ZBTB21: variants seen among roughly 807,000 people sequenced by gnomAD.
ZBTB21 encodes the protein zinc finger and BTB domain-containing protein 21.
Under a neutral mutation model 39.8 loss-of-function variants are expected in ZBTB21, and 10 were observed. That is an observed-to-expected ratio of 0.25 (90% confidence interval 0.16 to 0.43). The LOEUF is 0.43. Among genes scored for constraint, ZBTB21 ranks in the 20% least tolerant of loss-of-function variants. ZBTB21 has a pLI of 1.00. For missense variants in ZBTB21, 1,221 were observed against 1,296.3 expected (o/e 0.94, Z 0.89); for synonymous variants, 551 against 498.8 (o/e 1.10, Z -1.40).
chr21:41,995,818 C>T (rs912481206), intron 2 of ZBTB21, among the ~76,000 whole-genome samples: 4 of 152,226 alleles, frequency 2.6e-5, no homozygotes, highest in African/African-American at 9.6e-5. Context: ...AGCCTAGGAA[C>T]TTGGTGCCCT....
At position 41,993,258 on chromosome 21, in the gene ZBTB21, A is replaced by G. The variant is rs1482335304; in HGVS notation, c.838T>C (p.Leu280=). The change falls in exon 3 of 3, where the codon TTG becomes CTG. Residue 280 remains leucine, a synonymous_variant. Coordinates refer to ENST00000310826, the MANE Select transcript of ZBTB21 (RefSeq NM_001098402.2). ...GTCTCTGATGAGCTACAAACAGACA[A>G]AACAGGTGGCCGTGGTCTCTTCAAA... The part of the protein sequence containing the change: ...LALKRPRPPV[L]SVCSSSETPY... 5 of 1,611,982 alleles carry G rather than the reference A, an allele frequency of 3.1e-6. No individual in the cohort carries two copies. In the South Asian group the frequency reaches 4.4e-5, roughly 14 times the overall value.
Position 41,991,234 on chromosome 21 carries a change from A to C in ZBTB21, c.2862T>G (p.Ser954Arg). Residue 954 changes from serine to arginine, a missense_variant, in exon 3 of 3, where the codon AGT becomes AGG. Coordinates refer to ENST00000310826, the MANE Select transcript of ZBTB21 (RefSeq NM_001098402.2). The surrounding 1 kb of genome is among the most constrained non-coding windows in gnomAD (Gnocchi z 4.9). ...CCTGAGACATGTGCGATTGGAAGTG[A>C]CTCCAGAGTCGAAAATTAGTGCGAA... Reference protein sequence around the residue: ...KAFRTNFRLWSHFQSHMSQAS... With the variant: ...KAFRTNFRLWRHFQSHMSQAS... 6.2e-7 allele frequency: 1 copy of C among 1,614,000 alleles called. No homozygotes were observed. The highest frequency in any genetic ancestry group is 8.5e-7 in the Non-Finnish European group (1 of 1,179,984).
rs969909780 is a variant in ZBTB21, at chr21:41,993,772, A to G, written c.324T>C (p.Ser108=). Residue 108 remains serine (S), a synonymous_variant, in exon 3 of 3, where the codon AGT becomes AGC. Transcript: ENST00000310826. ...TGTTAGTCAGAAAGGAAATCCCAAG[A>G]CTATAGCCAAGTTCTTGCACAGCAG... ...SLAAVQELGY[S]LGISFLTNIV... is the part of the protein sequence containing the mutation. The G allele has an allele frequency of 6.2e-7, 1 of 1,614,122 alleles. No individual in the cohort carries two copies. The highest frequency in any genetic ancestry group is 1.3e-5 in the African/African-American group (1 of 74,946).
chr21:42,010,039 A>G (rs1286631926), intron 1 of ZBTB21, among the ~76,000 whole-genome samples: 3 of 152,236 alleles, frequency 2.0e-5, no homozygotes, highest in Non-Finnish European at 2.9e-5. Flanking sequence ...TGAAGGTACA[A>G]TCGGCTACGT....
In ZBTB21 at chr21:41,990,563, CAATA is replaced by C. The variant is rs567736215; in HGVS notation, c.*328_*331del. The C allele has an allele frequency of 2.6e-4, 44 of 170,692 alleles. 2 individuals are homozygous for C. In the South Asian group the frequency reaches 8.8e-3, roughly 34 times the overall value. 10.6% of individuals were successfully genotyped at this position (170,692 alleles called of 1,614,324 possible). On this transcript the variant is annotated 3_prime_UTR_variant, in exon 3 of 3. Coordinates refer to ENST00000310826, the MANE Select transcript of ZBTB21 (RefSeq NM_001098402.2). The stretch of plus-strand genomic sequence containing the variant: ...AATACTTCGACAGTATTCCACTAAT[CAATA>C]AAAAACCAAAAACCTCAATTAAATG...
chr21:41,991,228 G>T lies in ZBTB21; in HGVS notation c.2868C>A (p.Phe956Leu). The part of the protein sequence containing the change: ...FRTNFRLWSH[F>L]QSHMSQASEE... ...CTGAAGCCTGAGACATGTGCGATTG[G>T]AAGTGACTCCAGAGTCGAAAATTAG... Residue 956 changes from phenylalanine (F) to leucine (L), a missense_variant, in exon 3 of 3, where the codon TTC becomes TTA. Phe to Leu is a conservative substitution (Grantham distance 22, BLOSUM62 0). This residue lies in a region of ZBTB21 where 523 missense variants were observed against 542.5 expected (regional missense o/e 0.96). Transcript: ENST00000310826. The surrounding 1 kb of genome is among the most constrained non-coding windows in gnomAD (Gnocchi z 4.9). 6.2e-7 allele frequency: 1 copy of T among 1,614,202 alleles called. No individual in the cohort carries two copies. Among genetic ancestry groups the T allele is most frequent in the East Asian group, 2.2e-5 (1 of 44,892 alleles).
At position 41,993,824 on chromosome 21, in the gene ZBTB21, G is replaced by C; in HGVS notation, c.272C>G (p.Ser91Cys). The C allele has an allele frequency of 6.2e-7, 1 of 1,614,212 alleles. No homozygotes were observed. The highest frequency in any genetic ancestry group is 2.2e-5 in the East Asian group (1 of 44,890). Residue 91 changes from serine (S) to cysteine (C), a missense_variant, in exon 3 of 3, where the codon TCT becomes TGT. Physicochemically the swap from Ser to Cys is moderately radical, Grantham distance 112. Around this residue, in one of 4 missense-constraint regions of ZBTB21, gnomAD observed 108 missense variants for 155.0 expected, o/e 0.70. Transcript: ENST00000310826. Reference sequence around the variant, plus strand: ...AAGGCTGCTCTTCTCAACAAATAGAGAGGAAGAATAAATGTAGTTTAAAAC... The same window carrying C: ...AAGGCTGCTCTTCTCAACAAATAGACAGGAAGAATAAATGTAGTTTAAAAC... ...DNVLNYIYSS[S>C]LFVEKSSLAA...
chr21:42,004,716 T>C (rs757531487), intron 1 of ZBTB21, among the ~76,000 whole-genome samples: 1 of 152,142 alleles, frequency 6.6e-6, no homozygotes, highest in African/African-American at 2.4e-5. Flanking sequence ...ATTGCTTCTA[T>C]AGTCCTAACC....
rs2065589918 is a variant in ZBTB21, at chr21:41,987,240, AGACT to A, written c.*3651_*3654del. The A allele has an allele frequency of 6.6e-6, 1 of 152,212 alleles. No homozygotes were observed. The highest frequency in any genetic ancestry group is 2.4e-5 in the African/African-American group (1 of 41,458). The allele number at this position is 152,212 out of a possible 1,614,324, so 9.4% of individuals were successfully genotyped here. ...ACAGTAAAATACTTTGGTTCCCAAA[AGACT>A]GTCTCTAAAAGGAATTTTTAAAAAC... On this transcript the variant is annotated 3_prime_UTR_variant, in exon 3 of 3. Coordinates refer to ENST00000310826, the MANE Select transcript of ZBTB21 (RefSeq NM_001098402.2).
In ZBTB21 at chr21:41,990,670, C is replaced by A; in HGVS notation, c.*225G>T. On this transcript the variant is annotated 3_prime_UTR_variant, in exon 3 of 3. Transcript: ENST00000310826. ...AATTTCAACATTAATGAAATCAAAC[C>A]ATCTTGTTCTTGTAAGGTCCAGAAC... 2.8e-6 allele frequency: 1 copy of A among 359,706 alleles called. No homozygotes were observed. Among genetic ancestry groups the A allele is most frequent in the Admixed American group, 4.4e-5 (1 of 22,664 alleles). 22.3% of individuals were successfully genotyped at this position (359,706 alleles called of 1,614,324 possible).
intron 1 of ZBTB21, among the ~76,000 whole-genome samples, chr21:42,008,837 TTTC>T (rs2065917340): frequency 6.6e-6 from 1 of 152,224 alleles, no homozygotes; most frequent in South Asian, 2.1e-4. Flanking sequence ...AAATTTTGAC[TTTC>T]TTTTTAACAT....
At position 42,002,898 on chromosome 21, in the gene ZBTB21, A is replaced by G. The variant is rs192998558; in HGVS notation, c.-15T>C. Reference sequence around the variant, plus strand: ...CTAAAATAGGGCCGGCTTGCTTACCACTTTGATCCTCGCACACAAATAGCT... The same window carrying G: ...CTAAAATAGGGCCGGCTTGCTTACCGCTTTGATCCTCGCACACAAATAGCT... On this transcript the variant is annotated splice_region_variant and 5_prime_UTR_variant, in exon 2 of 3. Coordinates refer to ENST00000310826, the MANE Select transcript of ZBTB21 (RefSeq NM_001098402.2). 4 of 152,342 alleles carry G rather than the reference A, an allele frequency of 2.6e-5. No individual in the cohort carries two copies. The highest frequency in any genetic ancestry group is 2.6e-4 in the Admixed American group (4 of 15,312). The allele number at this position is 152,342 out of a possible 1,614,324, so 9.4% of individuals were successfully genotyped here.
intron 1 of ZBTB21, among the ~76,000 whole-genome samples, chr21:42,004,847 C>A (rs1235720496): frequency 6.6e-6 from 1 of 152,236 alleles, no homozygotes; most frequent in Non-Finnish European, 1.5e-5. Flanking sequence ...TATCCCCAAA[C>A]CCTCATTTCA....
chr21:41,991,408 G>A lies in ZBTB21; in HGVS notation c.2688C>T (p.Ala896=). 6.2e-7 allele frequency: 1 copy of A among 1,610,108 alleles called. No individual in the cohort carries two copies. Among genetic ancestry groups the A allele is most frequent in the Non-Finnish European group, 8.5e-7 (1 of 1,178,434 alleles). Residue 896 remains alanine, a synonymous_variant, in exon 3 of 3, where the codon GCC becomes GCT. Coordinates refer to ENST00000310826, the MANE Select transcript of ZBTB21 (RefSeq NM_001098402.2). The surrounding 1 kb of genome is among the most constrained non-coding windows in gnomAD (Gnocchi z 4.9). ...CTTTGCTAGGACCCGCTTCTTTGGG[G>A]GCTGTGCTGGCCTCGGGTGCCTCTT... ...AEEEAPEAST[A]PKEAGPSKEA...
At position 42,009,576 on chromosome 21, in the gene ZBTB21, C is replaced by T. The variant is rs560449935; in HGVS notation, c.-79+676G>A. On this transcript the variant is annotated intron_variant, in intron 1 of 2. Transcript: ENST00000310826. ...TGCTCTGCGGGACCGCCGGGAAGTC[C>T]CAGACAAGGTCTGCGGGGGCTCTGG... The T allele has an allele frequency of 2.0e-5, 3 of 152,582 alleles. No individual in the cohort carries two copies. In the South Asian group the frequency reaches 5.9e-4, roughly 30 times the overall value. 9.5% of individuals were successfully genotyped at this position (152,582 alleles called of 1,614,324 possible).
rs140397626 is a variant in ZBTB21, at chr21:41,991,439, GCCT to G, written c.2654_2656del (p.Glu885del). On this transcript the variant is annotated inframe_deletion, in exon 3 of 3. Coordinates refer to ENST00000310826, the MANE Select transcript of ZBTB21 (RefSeq NM_001098402.2). The surrounding 1 kb of genome is among the most constrained non-coding windows in gnomAD (Gnocchi z 4.9). ...GCTGGCCTCGGGTGCCTCTTCTTCA[GCCT>G]CCTCCACAGGCTCCTCTTTGACTTG... 0.064 allele frequency: 103,134 copies of G among 1,613,420 alleles called. 3,627 individuals carry two copies. The highest frequency in any genetic ancestry group is 0.084 in the African/African-American group (6,288 of 74,838).
rs1168830392 is a variant in ZBTB21, at chr21:41,991,288, T to C, written c.2808A>G (p.Pro936=). 3 of 1,613,576 alleles carry C rather than the reference T, an allele frequency of 1.9e-6. No individual in the cohort carries two copies. The highest frequency in any genetic ancestry group is 2.7e-5 in the African/African-American group (2 of 74,916). ...CTTTGTTGCACACGTGACAAATAAATGGTTTCACAGAGCACAGAAGCTCCT... is the reference window on the plus strand; with the variant it reads ...CTTTGTTGCACACGTGACAAATAAACGGTTTCACAGAGCACAGAAGCTCCT... The part of the protein sequence containing the change: ...RHQELLCSVK[P]FICHVCNKAF... Residue 936 remains proline (P), a synonymous_variant, in exon 3 of 3, where the codon CCA becomes CCG. Coordinates refer to ENST00000310826, the MANE Select transcript of ZBTB21 (RefSeq NM_001098402.2). The surrounding 1 kb of genome is among the most constrained non-coding windows in gnomAD (Gnocchi z 4.9).
rs1008826644 is a variant in ZBTB21, at chr21:41,990,071, G to C, written c.*824C>G. 6 of 152,206 alleles carry C rather than the reference G, an allele frequency of 3.9e-5. No homozygotes were observed. The highest frequency in any genetic ancestry group is 8.8e-5 in the Non-Finnish European group (6 of 68,026). 9.4% of individuals were successfully genotyped at this position (152,206 alleles called of 1,614,324 possible). On this transcript the variant is annotated 3_prime_UTR_variant, in exon 3 of 3. Coordinates refer to ENST00000310826, the MANE Select transcript of ZBTB21 (RefSeq NM_001098402.2). ...AATCAGAGGAAATGAAATATGTGCA[G>C]TCCTTCAAATGCTGGTCTGAATTTA...
Position 41,987,397 on chromosome 21 carries a change from T to C in ZBTB21, c.*3498A>G, listed in dbSNP as rs1305438670. On this transcript the variant is annotated 3_prime_UTR_variant, in exon 3 of 3. Coordinates refer to ENST00000310826, the MANE Select transcript of ZBTB21 (RefSeq NM_001098402.2). ...TACACTGAAAGAGCATATTAAAAAT[T>C]ACAAAAAATTAAACTTCTTAAAGTG... 2 of 152,178 alleles carry C rather than the reference T, an allele frequency of 1.3e-5. No homozygotes were observed. Among genetic ancestry groups the C allele is most frequent in the Non-Finnish European group, 2.9e-5 (2 of 68,028 alleles). 9.4% of individuals were successfully genotyped at this position (152,178 alleles called of 1,614,324 possible).
Sources: gnomAD v4.1 joint callset for allele counts (sites outside exome capture counted in the v4.1 genomes callset) on GRCh38, gnomAD v4.1.1 for gene constraint, gnomAD v4.1.1 regional missense constraint, Gnocchi (gnomAD v3.1) non-coding constraint, MANE v1.5 for transcripts, NCBI Gene and HGNC (gene_info 2026-07-23, HGNC 2026-07-21) for gene names.